Variants in RGS6 observed in about 807,000 individuals in gnomAD.
The protein encoded by RGS6 is regulator of G-protein signaling 6.
In RGS6, 30 loss-of-function variants were observed where a neutral mutation model predicts 78.5. That is an observed-to-expected ratio of 0.38 (90% confidence interval 0.29 to 0.52). The LOEUF is 0.52. Ranked by LOEUF, RGS6 falls within the 20% of genes least tolerant of loss-of-function variation. The pLI is 0.85. For synonymous variants in RGS6, 206 were observed against 206.0 expected, an observed-to-expected ratio of 1.00 and a Z score of 0.00; for missense variants, 495 against 609.7, an observed-to-expected ratio of 0.81 and a Z score of 1.98.
At chr14:71,927,877 C>T (rs2087740543), upstream of RGS6, among the ~76,000 whole-genome samples, 1 of 151,958 alleles carries the variant, frequency 6.6e-6, no homozygotes, top group African/African-American at 2.4e-5. Context: ...CCAGGATGGT[C>T]TCGATCTCCT....
chr14:72,178,094 A>T (rs1052080528), intron 2 of RGS6, among the ~76,000 whole-genome samples: 4 of 151,980 alleles, frequency 2.6e-5, no homozygotes, highest in African/African-American at 9.7e-5. Flanking sequence ...GTTGTTTCTC[A>T]CTCACTGAAA....
intron 2 of RGS6, among the ~76,000 whole-genome samples, chr14:71,974,120 T>C (rs1464633180): frequency 6.6e-6 from 1 of 152,236 alleles, no homozygotes; most frequent in Non-Finnish European, 1.5e-5. Context: ...ACTCTTGTTA[T>C]TGACACTCCT....
intron 3 of RGS6, among the ~76,000 whole-genome samples, chr14:72,441,048 G>C (rs920407348): frequency 2.6e-5 from 4 of 152,220 alleles, no homozygotes; most frequent in Non-Finnish European, 5.9e-5. Context: ...TTGCATCTAT[G>C]CATGTGTGCA....
rs140157654 is a variant in RGS6 at position 72,501,245 on chromosome 14, A to G, written c.965+5983A>G. On this transcript the variant is annotated intron_variant, in intron 13 of 17. Transcript: ENST00000553525. ...GCCGTGGGGAGGTTACAGACAGCCA[A>G]ATGGAGGATGGCCATAGCAGCTGAA... Among the ~76,000 whole-genome samples, 587 of 152,284 alleles carry G rather than the reference A, an allele frequency of 3.9e-3. 3 individuals carry two copies. The highest frequency in any genetic ancestry group is 0.013 in the African/African-American group (556 of 41,558).
chr14:72,278,824 A>G (rs2153945428), intron 2 of RGS6, among the ~76,000 whole-genome samples: 1 of 152,074 alleles, frequency 6.6e-6, no homozygotes, highest in Admixed American at 6.5e-5. Context: ...AACAACACAC[A>G]TTTATTCTCT....
At chr14:72,431,525 A>ATTTATTTTAT (rs56081815) in intron 3 of RGS6, among the ~76,000 whole-genome samples, 37,238 of 147,462 alleles carry the variant, frequency 0.25, 5,373 homozygotes, top group East Asian at 0.57. Context: ...ATTTTGTTTT[A>ATTTATTTTAT]TTTATTTTAT....
chr14:72,611,423 C>G, the RGS6 span, among the ~76,000 whole-genome samples: 1 of 152,240 alleles, frequency 6.6e-6, no homozygotes, highest in African/African-American at 2.4e-5. Flanking sequence ...GGTTTCATCC[C>G]TGCACACACC....
At chr14:72,451,456 G>A (rs1200395678) in intron 3 of RGS6, among the ~76,000 whole-genome samples, 3 of 152,216 alleles carry the variant, frequency 2.0e-5, no homozygotes, top group South Asian at 4.1e-4. Context: ...GCCAAAAGCG[G>A]GTGGAAACCC....
At chr14:72,334,867 ACC>A (rs1312453752) in intron 2 of RGS6, among the ~76,000 whole-genome samples, 3 of 152,002 alleles carry the variant, frequency 2.0e-5, no homozygotes, top group Admixed American at 6.6e-5. Context: ...CTCAACTGCT[ACC>A]CACATGCTTC....
At chr14:72,536,677 T>A (rs558818893) in intron 16 of RGS6, among the ~76,000 whole-genome samples, 1 of 152,278 alleles carries the variant, frequency 6.6e-6, no homozygotes, top group South Asian at 2.1e-4. Flanking sequence ...CTTCTCTCCC[T>A]GACCAGCCCA....
chr14:72,463,261 G>C (rs1007158523), intron 6 of RGS6, among the ~76,000 whole-genome samples: 7 of 152,194 alleles, frequency 4.6e-5, no homozygotes, highest in Non-Finnish European at 1.0e-4. Flanking sequence ...GCTTAAGACA[G>C]TTCTTCCAGA....
Position 72,562,587 on chromosome 14 carries a change from T to C in RGS6, c.*120T>C, listed in dbSNP as rs1387056374. The stretch of plus-strand genomic sequence containing the variant: ...CTTGGTCACTGTGAAGGAGAAAGAG[T>C]GAGGGCAATGAAGGGCGATGGTGGG... On this transcript the variant is annotated 3_prime_UTR_variant, in exon 18 of 18. Coordinates refer to ENST00000553525, the MANE Select transcript of RGS6 (RefSeq NM_001204424.2). 1.2e-5 allele frequency: 19 copies of C among 1,544,192 alleles called. No individual in the cohort carries two copies. The highest frequency in any genetic ancestry group is 1.9e-5 in the Admixed American group (1 of 51,938).
chr14:72,133,693 A>G (rs975861242), intron 2 of RGS6, among the ~76,000 whole-genome samples: 12 of 152,180 alleles, frequency 7.9e-5, no homozygotes, highest in African/African-American at 2.9e-4. Flanking sequence ...TATAATTGTG[A>G]CTGCCTCTTC....
At position 72,544,987 on chromosome 14, in the gene RGS6, GTGT is replaced by G. The variant is rs1267702089; in HGVS notation, c.1422+4898_1422+4900del. On this transcript the variant is annotated intron_variant, in intron 17 of 17. Coordinates refer to ENST00000553525, the MANE Select transcript of RGS6 (RefSeq NM_001204424.2). ...AGCAGCTCCTGCCCCCAGGAAGGCGGTGTTGTTTTCCCCTCCTCCTCAAGGTTT... is the reference window on the plus strand; with the variant it reads ...AGCAGCTCCTGCCCCCAGGAAGGCGGTGTTTTCCCCTCCTCCTCAAGGTTT... Among the ~76,000 whole-genome samples the G allele has an allele frequency of 5.9e-5, 9 of 152,352 alleles. 1 individual carries two copies. In the East Asian group the frequency reaches 1.5e-3, roughly 26 times the overall value.
chr14:72,326,273 A>C (rs969352839), intron 2 of RGS6, among the ~76,000 whole-genome samples: 1 of 152,224 alleles, frequency 6.6e-6, no homozygotes, highest in African/African-American at 2.4e-5. Flanking sequence ...ATCATAGAGT[A>C]TGTTACCATT....
At chr14:72,327,880 T>G (rs1486379338) in intron 2 of RGS6, among the ~76,000 whole-genome samples, 4 of 152,154 alleles carry the variant, frequency 2.6e-5, no homozygotes, top group East Asian at 1.9e-4. Context: ...AGAATAGGAT[T>G]TACGTTATAT....
chr14:72,375,610 C>T (rs1355291054), intron 3 of RGS6, among the ~76,000 whole-genome samples: 2 of 152,172 alleles, frequency 1.3e-5, no homozygotes, highest in Admixed American at 1.3e-4. Context: ...CCCCAGTGAG[C>T]CAGACCCCAA....
At chr14:72,305,108 C>A (rs1313076518) in intron 2 of RGS6, among the ~76,000 whole-genome samples, 1 of 152,136 alleles carries the variant, frequency 6.6e-6, no homozygotes, top group East Asian at 1.9e-4. Flanking sequence ...TTTTCATATG[C>A]TTACAAGTCA....
intron 2 of RGS6, among the ~76,000 whole-genome samples, chr14:72,340,625 C>G (rs557567125): frequency 1.7e-4 from 26 of 152,292 alleles, no homozygotes; most frequent in Middle Eastern, 6.8e-3. Flanking sequence ...TGATGACAGC[C>G]TCAGATGCAG....
Sources: allele counts gnomAD v4.1 joint callset (sites outside exome capture counted in the v4.1 genomes callset), GRCh38; gene constraint gnomAD v4.1.1; transcripts MANE v1.5; gene names NCBI Gene and HGNC (gene_info 2026-07-23, HGNC 2026-07-21).